Variants in TMTC2 observed in about 807,000 individuals in gnomAD.
TMTC2 encodes the protein transmembrane O-mannosyltransferase targeting cadherins 2, also known as protein O-mannosyl-transferase TMTC2.
In TMTC2, 43 loss-of-function variants were observed where a neutral mutation model predicts 82.4. The ratio of observed to expected loss-of-function variants is 0.52; its 90% CI spans 0.41 to 0.67. TMTC2 has a LOEUF of 0.67. Among genes scored for constraint, TMTC2 ranks in the 30% least tolerant of loss-of-function variants. The probability of loss-of-function intolerance (pLI) is 0.00; values close to 1 mark genes in which losing one functional copy is unlikely to be tolerated. For synonymous variants in TMTC2, 408 were observed against 381.9 expected (o/e 1.07, Z -0.80); for missense variants, 919 against 1,012.4 (o/e 0.91, Z 1.25).
At chr12:82,865,704 A>G (rs1871810552) in intron 2 of TMTC2, among the ~76,000 whole-genome samples, 1 of 152,210 alleles carries the variant, frequency 6.6e-6, no homozygotes, top group Non-Finnish European at 1.5e-5. Flanking sequence ...TCAACAGAAT[A>G]TACATTCTTC....
At chr12:82,836,456 G>T (rs1372136604) in intron 1 of TMTC2, among the ~76,000 whole-genome samples, 1 of 152,146 alleles carries the variant, frequency 6.6e-6, no homozygotes, top group African/African-American at 2.4e-5. Context: ...GGAAGTCGTG[G>T]TTGGAATGAT....
intron 1 of TMTC2, among the ~76,000 whole-genome samples, chr12:82,741,219 G>C (rs1385246304): frequency 6.6e-6 from 1 of 152,168 alleles, no homozygotes; most frequent in Non-Finnish European, 1.5e-5. Context: ...CATCCCAAGA[G>C]TGCTTTCCTG....
chr12:82,719,124 C>T (rs1444959228), intron 1 of TMTC2, among the ~76,000 whole-genome samples: 6 of 96,694 alleles, frequency 6.2e-5, no homozygotes, highest in East Asian at 7.3e-4. Flanking sequence ...GACGGAGTCT[C>T]GTTCTGTCAC....
intron 7 of TMTC2, among the ~76,000 whole-genome samples, chr12:82,967,996 CA>C (rs1289015431): frequency 6.6e-6 from 1 of 152,056 alleles, no homozygotes; most frequent in Non-Finnish European, 1.5e-5. Flanking sequence ...TCCCAAACTA[CA>C]AAATACACAC....
At chr12:83,005,296 T>G (rs1592688062) in intron 8 of TMTC2, among the ~76,000 whole-genome samples, 1 of 125,476 alleles carries the variant, frequency 8.0e-6, no homozygotes. Flanking sequence ...GCCACCGCAC[T>G]CCAGCCTGGG....
chr12:82,897,129 A>T (rs1315039120), intron 3 of TMTC2, among the ~76,000 whole-genome samples: 1 of 152,188 alleles, frequency 6.6e-6, no homozygotes, highest in Non-Finnish European at 1.5e-5. Flanking sequence ...TCCTGAAAGT[A>T]TGTCTCTAGA....
At chr12:82,696,501 A>G (rs1218378684) in intron 1 of TMTC2, among the ~76,000 whole-genome samples, 2 of 152,238 alleles carry the variant, frequency 1.3e-5, no homozygotes, top group African/African-American at 2.4e-5. Flanking sequence ...GAAATCAACT[A>G]TAGTGTACCA....
intron 2 of TMTC2, among the ~76,000 whole-genome samples, chr12:82,888,890 A>G (rs1475448688): frequency 6.6e-6 from 1 of 152,226 alleles, no homozygotes; most frequent in Admixed American, 6.5e-5. Flanking sequence ...TAAGGTAACA[A>G]TCGCAAGATA....
chr12:83,106,661 A>T (rs1884412262), intron 11 of TMTC2, among the ~76,000 whole-genome samples: 1 of 152,222 alleles, frequency 6.6e-6, no homozygotes, highest in Non-Finnish European at 1.5e-5. Context: ...GAGAAAAGAA[A>T]ACTTGCCTAT....
chr12:83,055,191 T>C (rs1041881705), intron 10 of TMTC2, among the ~76,000 whole-genome samples: 2 of 152,026 alleles, frequency 1.3e-5, no homozygotes, highest in Admixed American at 1.3e-4. Context: ...TTCCATTCTC[T>C]TGAGATTGCA....
chr12:83,040,261 T>C (rs1300668325), intron 9 of TMTC2, among the ~76,000 whole-genome samples: 1 of 152,214 alleles, frequency 6.6e-6, no homozygotes, highest in African/African-American at 2.4e-5. Flanking sequence ...TTCAAAGATA[T>C]GCTCTTACTA....
intron 8 of TMTC2, among the ~76,000 whole-genome samples, chr12:83,022,356 A>C (rs1880970282): frequency 1.3e-5 from 1 of 75,322 alleles, no homozygotes; most frequent in Non-Finnish European, 3.1e-5. Flanking sequence ...TTTATCACAC[A>C]TAACCCTCCC....
chr12:83,110,952 A>G (rs2137545893), intron 11 of TMTC2, among the ~76,000 whole-genome samples: 1 of 152,320 alleles, frequency 6.6e-6, no homozygotes, highest in South Asian at 2.1e-4. Flanking sequence ...GAGGCCTGTC[A>G]AACTACTAAA....
At chr12:83,076,041 A>T (rs1010269258) in intron 11 of TMTC2, among the ~76,000 whole-genome samples, 1 of 151,968 alleles carries the variant, frequency 6.6e-6, no homozygotes, top group Non-Finnish European at 1.5e-5. Flanking sequence ...AGTGAATACA[A>T]CTCCCTTGTT....
intron 8 of TMTC2, among the ~76,000 whole-genome samples, chr12:83,016,408 C>G (rs1162641766): frequency 1.3e-5 from 2 of 152,138 alleles, no homozygotes; most frequent in Admixed American, 1.3e-4. Context: ...CTGACTCACT[C>G]ATGCAGAATA....
intron 8 of TMTC2, among the ~76,000 whole-genome samples, chr12:83,009,635 T>C (rs939159352): frequency 6.6e-6 from 1 of 151,826 alleles, no homozygotes; most frequent in Non-Finnish European, 1.5e-5. Context: ...TTAGATTTCC[T>C]TTTTCCCCCA....
chr12:82,916,873 A>C (rs972990854), intron 3 of TMTC2, among the ~76,000 whole-genome samples: 5 of 152,246 alleles, frequency 3.3e-5, no homozygotes, highest in Admixed American at 3.3e-4. Context: ...TTAGAATTAC[A>C]TATAAGTACA....
At chr12:82,775,646 T>C (rs1434235315) in intron 1 of TMTC2, among the ~76,000 whole-genome samples, 4 of 152,140 alleles carry the variant, frequency 2.6e-5, no homozygotes, top group Non-Finnish European at 5.9e-5. Flanking sequence ...CTGAAATTTT[T>C]CACAGTCTCA....
intron 11 of TMTC2, among the ~76,000 whole-genome samples, chr12:83,118,969 A>G (rs1394699914): frequency 6.6e-6 from 1 of 152,032 alleles, no homozygotes; most frequent in Non-Finnish European, 1.5e-5. Context: ...GCGCTGAATG[A>G]TCTTTTGTAT....
Sources: gnomAD v4.1 joint callset for allele counts (sites outside exome capture counted in the v4.1 genomes callset) on GRCh38, gnomAD v4.1.1 for gene constraint, MANE v1.5 for transcripts, NCBI Gene and HGNC (gene_info 2026-07-23, HGNC 2026-07-21) for gene names.